CSMD1: variants seen among roughly 807,000 people sequenced by gnomAD.
The protein encoded by CSMD1 is CUB and sushi domain-containing protein 1.
Under a neutral mutation model 417.5 loss-of-function variants are expected in CSMD1, and 213 were observed. The observed-to-expected ratio is 0.51, with a 90% confidence interval of 0.46 to 0.57. The LOEUF (loss-of-function observed/expected upper bound fraction) is 0.57. Ranked by LOEUF, CSMD1 falls within the 20% of genes least tolerant of loss-of-function variation. The pLI is 0.00. For synonymous variants in CSMD1, 2,862 were observed against 1,736.8 expected (o/e 1.65, Z -16.11); for missense variants, 6,923 against 4,529.7 (o/e 1.53, Z -15.17).
chr8:3,502,675 A>T lies in CSMD1; in HGVS notation c.1345-8949T>A, dbSNP rs187409231. Among the ~76,000 whole-genome samples the T allele has an allele frequency of 3.9e-3, 588 of 152,354 alleles. 11 individuals carry two copies. Among genetic ancestry groups the T allele is most frequent in the Admixed American group, 0.036 (556 of 15,300 alleles). On this transcript the variant is annotated intron_variant, in intron 10 of 69. Coordinates refer to ENST00000635120, the MANE Select transcript of CSMD1 (RefSeq NM_033225.6). Reference sequence around the variant, plus strand: ...TCGGAGAAGGCAGAACTATGGAGACAGTAAAAAGATTAGTGATTGTTAGGG... The same window carrying T: ...TCGGAGAAGGCAGAACTATGGAGACTGTAAAAAGATTAGTGATTGTTAGGG...
chr8:4,941,482 T>G (rs982229558), intron 1 of CSMD1, among the ~76,000 whole-genome samples: 1 of 152,230 alleles, frequency 6.6e-6, no homozygotes, highest in African/African-American at 2.4e-5. Flanking sequence ...AAAGCAAGAA[T>G]TGATCTTCAG....
intron 1 of CSMD1, among the ~76,000 whole-genome samples, chr8:4,971,142 C>G (rs556797176): frequency 6.6e-6 from 1 of 151,922 alleles, no homozygotes; most frequent in South Asian, 2.1e-4. Flanking sequence ...ACCCTGGGGT[C>G]CCTTCCAACT....
intron 3 of CSMD1, among the ~76,000 whole-genome samples, chr8:4,063,038 C>A (rs192710042): frequency 6.6e-6 from 1 of 151,920 alleles, no homozygotes; most frequent in Non-Finnish European, 1.5e-5. Flanking sequence ...TAGGAAGAAA[C>A]GTTGGCTAAT....
At chr8:4,020,027 A>C (rs1187265315) in intron 4 of CSMD1, among the ~76,000 whole-genome samples, 1 of 152,088 alleles carries the variant, frequency 6.6e-6, no homozygotes, top group African/African-American at 2.4e-5. Context: ...CTTAGTTCTG[A>C]AATCTAAAAT....
intron 3 of CSMD1, among the ~76,000 whole-genome samples, chr8:4,181,584 G>C (rs889098332): frequency 6.6e-6 from 1 of 152,066 alleles, no homozygotes; most frequent in Non-Finnish European, 1.5e-5. Context: ...CTGGGCCACA[G>C]GATGGAAAAG....
chr8:4,863,408 C>T (rs950457535), intron 1 of CSMD1, among the ~76,000 whole-genome samples: 2 of 152,018 alleles, frequency 1.3e-5, no homozygotes, highest in African/African-American at 4.8e-5. Context: ...CTTTGGCCCT[C>T]CCCATGAGAC....
intron 12 of CSMD1, among the ~76,000 whole-genome samples, chr8:3,447,570 C>A (rs1435654363): frequency 1.3e-5 from 2 of 152,172 alleles, no homozygotes; most frequent in Admixed American, 1.3e-4. Flanking sequence ...CAGAGGGCGA[C>A]AGGAAGGGTC....
intron 5 of CSMD1, among the ~76,000 whole-genome samples, chr8:3,764,595 T>A (rs79543584): frequency 6.6e-6 from 1 of 152,104 alleles, no homozygotes; most frequent in African/African-American, 2.4e-5. Context: ...TTCTCTTGGA[T>A]GGCAGTTTCC....
intron 1 of CSMD1, among the ~76,000 whole-genome samples, chr8:4,884,639 T>A (rs1264515543): frequency 1.3e-5 from 2 of 152,100 alleles, no homozygotes; most frequent in Non-Finnish European, 2.9e-5. Context: ...ATTACTTTAT[T>A]TGAATTGTCT....
At chr8:4,218,744 G>C (rs529891421) in intron 3 of CSMD1, among the ~76,000 whole-genome samples, 2 of 152,146 alleles carry the variant, frequency 1.3e-5, no homozygotes, top group Admixed American at 6.5e-5. Context: ...ATACAAACCT[G>C]GCTGTTTTCA....
intron 46 of CSMD1, among the ~76,000 whole-genome samples, chr8:3,099,670 C>T (rs1204593464): frequency 6.6e-6 from 1 of 152,196 alleles, no homozygotes; most frequent in Non-Finnish European, 1.5e-5. Context: ...TAAAATCCAC[C>T]TGAAAACCTA....
At chr8:4,103,603 T>C (rs989391657) in intron 3 of CSMD1, among the ~76,000 whole-genome samples, 1 of 152,252 alleles carries the variant, frequency 6.6e-6, no homozygotes, top group East Asian at 1.9e-4. Context: ...TTCAGATATT[T>C]TCATGTAAAC....
Position 3,408,016 on chromosome 8 carries a change from C to T in CSMD1, c.1954G>A (p.Gly652Ser), listed in dbSNP as rs773431047. ...GGCACTTCATTGCCAGAAAAAGTAC[C>T]CAGGACAGTTATGTCAGAAATGCCA... ...DDGISDITVLGTFSGNEVPSQ... is the reference protein window; with the variant it reads ...DDGISDITVLSTFSGNEVPSQ... Residue 652 changes from glycine (G) to serine (S), a missense_variant, in exon 14 of 70, where the codon GGT (glycine) becomes AGT (serine). By Grantham distance (56) the Gly-to-Ser change is moderately conservative. Coordinates refer to ENST00000635120, the MANE Select transcript of CSMD1 (RefSeq NM_033225.6). 3 of 1,613,648 alleles carry T rather than the reference C, an allele frequency of 1.9e-6. No homozygotes were observed. Among genetic ancestry groups the T allele is most frequent in the Non-Finnish European group, 2.5e-6 (3 of 1,179,838 alleles).
intron 1 of CSMD1, among the ~76,000 whole-genome samples, chr8:4,849,497 A>T (rs557380360): frequency 6.6e-6 from 1 of 152,130 alleles, no homozygotes; most frequent in Non-Finnish European, 1.5e-5. Context: ...TTCAATTATA[A>T]CTCACTCACC....
intron 22 of CSMD1, among the ~76,000 whole-genome samples, chr8:3,346,513 T>A (rs922571035): frequency 6.6e-6 from 1 of 152,208 alleles, no homozygotes; most frequent in Non-Finnish European, 1.5e-5. Flanking sequence ...ATACTGCCAG[T>A]GTGAGATTTC....
chr8:4,709,921 T>A (rs1808184019), intron 1 of CSMD1, among the ~76,000 whole-genome samples: 1 of 152,148 alleles, frequency 6.6e-6, no homozygotes, highest in South Asian at 2.1e-4. Flanking sequence ...ATTGAAAAAC[T>A]AGAAACCATA....
intron 2 of CSMD1, among the ~76,000 whole-genome samples, chr8:4,432,251 C>T (rs1797914165): frequency 6.6e-6 from 1 of 152,140 alleles, no homozygotes; most frequent in African/African-American, 2.4e-5. Flanking sequence ...AGTAAACTCA[C>T]ACAGGAACTT....
At chr8:3,305,588 T>C (rs1290251259) in intron 25 of CSMD1, among the ~76,000 whole-genome samples, 2 of 152,180 alleles carry the variant, frequency 1.3e-5, no homozygotes, top group Admixed American at 1.3e-4. Context: ...TGTGATGCTC[T>C]CACCATGTGG....
chr8:4,361,165 A>C (rs971012170), intron 3 of CSMD1, among the ~76,000 whole-genome samples: 3 of 152,174 alleles, frequency 2.0e-5, no homozygotes, highest in Non-Finnish European at 4.4e-5. Flanking sequence ...AGAATGGGCT[A>C]AATTAGACTT....
Sources: allele counts gnomAD v4.1 joint callset (sites outside exome capture counted in the v4.1 genomes callset), GRCh38; gene constraint gnomAD v4.1.1; transcripts MANE v1.5; gene names NCBI Gene and HGNC (gene_info 2026-07-23, HGNC 2026-07-21).